The following CADM2 variants were observed in gnomAD, a reference collection of about 807,000 sequenced individuals.
CADM2 encodes the protein immunoglobulin superfamily member 4D.
CADM2 carries 12 observed loss-of-function variants against 49.8 expected under a neutral mutation model. The ratio of observed to expected loss-of-function variants is 0.24; its 90% CI spans 0.15 to 0.39. The LOEUF is 0.39. Ranked by LOEUF, CADM2 falls within the 10% of genes least tolerant of loss-of-function variation. CADM2 has a pLI of 1.00. For missense variants in CADM2, 378 were observed against 492.3 expected (o/e 0.77, Z 2.20); for synonymous variants, 214 against 175.4 (o/e 1.22, Z -1.74).
intron 1 of CADM2, among the ~76,000 whole-genome samples, chr3:85,630,755 A>G (rs971782293): frequency 1.3e-5 from 2 of 152,036 alleles, no homozygotes; most frequent in African/African-American, 4.8e-5. Context: ...CTAAGAAAGA[A>G]AATTAAGCAT....
chr3:85,964,227 G>T (rs1725201893), intron 8 of CADM2, among the ~76,000 whole-genome samples: 1 of 151,794 alleles, frequency 6.6e-6, no homozygotes, highest in Non-Finnish European at 1.5e-5. Context: ...GATCATTTGT[G>T]AGAACTTTAC....
intron 5 of CADM2, among the ~76,000 whole-genome samples, chr3:85,897,997 C>G (rs1464729450): frequency 6.6e-6 from 1 of 151,948 alleles, no homozygotes; most frequent in Non-Finnish European, 1.5e-5. Context: ...GTGGCCTTGC[C>G]ATTTCATCCA....
At chr3:85,932,549 G>GA (rs1720730441) in intron 6 of CADM2, among the ~76,000 whole-genome samples, 1 of 152,124 alleles carries the variant, frequency 6.6e-6, no homozygotes, top group African/African-American at 2.4e-5. Context: ...AGGCTACATA[G>GA]AAAAATACCA....
chr3:85,054,921 T>C (rs1188866941), intron 1 of CADM2, among the ~76,000 whole-genome samples: 1 of 151,910 alleles, frequency 6.6e-6, no homozygotes, highest in African/African-American at 2.4e-5. Context: ...TTTGAGAGGC[T>C]TTGCTGCTGT....
chr3:85,064,219 T>A (rs1035418782), intron 1 of CADM2, among the ~76,000 whole-genome samples: 2 of 152,092 alleles, frequency 1.3e-5, no homozygotes, highest in Admixed American at 1.3e-4. Context: ...ATTGCTGCTG[T>A]CACTCATTCT....
At chr3:85,216,970 G>T (rs915778960) in intron 1 of CADM2, among the ~76,000 whole-genome samples, 4 of 151,746 alleles carry the variant, frequency 2.6e-5, no homozygotes, top group Non-Finnish European at 5.9e-5. Flanking sequence ...CTCTCTGAAA[G>T]AAATACATAC....
At chr3:85,554,338 G>T (rs1397864576) in intron 1 of CADM2, among the ~76,000 whole-genome samples, 1 of 152,154 alleles carries the variant, frequency 6.6e-6, no homozygotes, top group Non-Finnish European at 1.5e-5. Flanking sequence ...ATGCTGGCTT[G>T]CTGGCCCGCA....
intron 1 of CADM2, among the ~76,000 whole-genome samples, chr3:85,062,714 T>A (rs2107449197): frequency 6.6e-6 from 1 of 152,092 alleles, no homozygotes; most frequent in East Asian, 1.9e-4. Context: ...TTTTCAAGAT[T>A]TGAATATTCA....
intron 2 of CADM2, among the ~76,000 whole-genome samples, chr3:85,754,901 T>C (rs1234033978): frequency 2.0e-5 from 3 of 152,168 alleles, no homozygotes; most frequent in African/African-American, 7.2e-5. Context: ...TCTTGGCTTA[T>C]AGAAAAATGA....
At chr3:86,066,542 C>G (rs1215665223) in intron 9 of CADM2, 123 bp from the exon 10 acceptor site, 2 of 701,648 alleles carry the variant, frequency 2.9e-6, no homozygotes, top group Non-Finnish European at 5.0e-6. Context: ...TTAGAAGAGT[C>G]AATCGGGTAG....
chr3:85,164,467 T>G (rs1048880072), intron 1 of CADM2, among the ~76,000 whole-genome samples: 3 of 152,056 alleles, frequency 2.0e-5, no homozygotes, highest in Admixed American at 6.6e-5. Context: ...CTCAATCAAC[T>G]GTAAGGTATT....
chr3:85,032,059 T>A (rs2035013286), intron 1 of CADM2, among the ~76,000 whole-genome samples: 1 of 152,142 alleles, frequency 6.6e-6, no homozygotes, highest in Non-Finnish European at 1.5e-5. Flanking sequence ...TCAGGATGTT[T>A]CTCTTTCTAT....
chr3:85,395,275 G>A lies in CADM2; in HGVS notation c.62-331247G>A, dbSNP rs1217857653. Reference sequence around the variant, plus strand: ...ATCATGCCACTGCACTTCAGCCTGGGCAATAGAGAAAGACTCCATACAAAA... The same window carrying A: ...ATCATGCCACTGCACTTCAGCCTGGACAATAGAGAAAGACTCCATACAAAA... On this transcript the variant is annotated intron_variant, in intron 1 of 9. Transcript: ENST00000383699. 7.2e-5 allele frequency among the ~76,000 whole-genome samples: 10 copies of A among 138,998 alleles called. 1 individual carries two copies. Among genetic ancestry groups the A allele is most frequent in the Non-Finnish European group, 1.5e-4 (10 of 65,064 alleles). 91.2% of individuals were successfully genotyped at this position (138,998 alleles called of 152,430 possible).
intron 1 of CADM2, among the ~76,000 whole-genome samples, chr3:85,523,959 T>C (rs912123706): frequency 1.3e-5 from 2 of 152,134 alleles, no homozygotes; most frequent in Admixed American, 6.5e-5. Flanking sequence ...AAATCAGAGA[T>C]AAATTTAAAA....
At chr3:85,194,425 G>T (rs1458268064) in intron 1 of CADM2, among the ~76,000 whole-genome samples, 4 of 152,028 alleles carry the variant, frequency 2.6e-5, no homozygotes, top group Non-Finnish European at 4.4e-5. Context: ...CTGGCAGGAG[G>T]TGATTAACTT....
chr3:85,587,517 T>A (rs2062977725), intron 1 of CADM2, among the ~76,000 whole-genome samples: 1 of 152,000 alleles, frequency 6.6e-6, no homozygotes, highest in African/African-American at 2.4e-5. Flanking sequence ...AAGATGCCAA[T>A]AGTAGAATTC....
intron 1 of CADM2, among the ~76,000 whole-genome samples, chr3:85,699,361 G>T (rs1303414041): frequency 6.6e-6 from 1 of 152,148 alleles, no homozygotes; most frequent in Non-Finnish European, 1.5e-5. Flanking sequence ...TCTGTGTGGG[G>T]CTCCAACCCC....
chr3:85,869,703 G>A (rs2075847750), intron 3 of CADM2, among the ~76,000 whole-genome samples: 1 of 151,984 alleles, frequency 6.6e-6, no homozygotes, highest in Non-Finnish European at 1.5e-5. Context: ...CTGTCTATCA[G>A]GCTGGAGTGC....
intron 1 of CADM2, among the ~76,000 whole-genome samples, chr3:85,557,594 A>G (rs2061992639): frequency 6.6e-6 from 1 of 151,920 alleles, no homozygotes; most frequent in Non-Finnish European, 1.5e-5. Flanking sequence ...GTTTTCATAA[A>G]GGAGATAAGT....
Sources: gnomAD v4.1 joint callset for allele counts (sites outside exome capture counted in the v4.1 genomes callset) on GRCh38, gnomAD v4.1.1 for gene constraint, MANE v1.5 for transcripts, NCBI Gene and HGNC (gene_info 2026-07-23, HGNC 2026-07-21) for gene names.